DDAH1: variants seen among roughly 807,000 people sequenced by gnomAD.
The protein encoded by DDAH1 is dimethylarginine dimethylaminohydrolase 1, also known as N(G),N(G)-dimethylarginine dimethylaminohydrolase 1.
A neutral mutation model predicts 28.8 loss-of-function variants in DDAH1; 19 were observed. The observed-to-expected ratio is 0.66, with a 90% confidence interval of 0.46 to 0.97. DDAH1 has a LOEUF of 0.97. DDAH1 is among the 50% of genes least tolerant of loss of function. The probability of loss-of-function intolerance (pLI) is 0.00; values close to 1 mark genes in which losing one functional copy is unlikely to be tolerated. For missense variants in DDAH1, 326 were observed against 375.9 expected, an observed-to-expected ratio of 0.87 and a Z score of 1.10; for synonymous variants, 153 against 154.4, an observed-to-expected ratio of 0.99 and a Z score of 0.07.
intron 1 of DDAH1, among the ~76,000 whole-genome samples, chr1:85,363,459 G>A (rs1433700083): frequency 6.6e-6 from 1 of 152,206 alleles, no homozygotes; most frequent in Non-Finnish European, 1.5e-5. Flanking sequence ...CATTACAGGA[G>A]CTTTAAAATT....
intron 1 of DDAH1, among the ~76,000 whole-genome samples, chr1:85,364,671 A>C (rs1338469018): frequency 1.3e-5 from 2 of 152,022 alleles, no homozygotes; most frequent in Admixed American, 6.6e-5. Flanking sequence ...CAGCCTCCCG[A>C]ATAGCTTGGA....
intron 1 of DDAH1, among the ~76,000 whole-genome samples, chr1:85,497,640 T>C (rs1274862148): frequency 6.6e-6 from 1 of 152,212 alleles, no homozygotes; most frequent in Admixed American, 6.5e-5. Flanking sequence ...GAGATACACA[T>C]GATTGCAAAC....
intron 4 of DDAH1, among the ~76,000 whole-genome samples, chr1:85,346,957 A>C (rs892607266): frequency 5.9e-5 from 9 of 152,200 alleles, no homozygotes; most frequent in Admixed American, 5.9e-4. Flanking sequence ...TGGGCAAAGG[A>C]TATGAACAGA....
chr1:85,478,107 C>A (rs990928580), intron 2 of DDAH1, among the ~76,000 whole-genome samples: 5 of 152,018 alleles, frequency 3.3e-5, no homozygotes, highest in South Asian at 2.1e-4. Flanking sequence ...CCTTGGAAAG[C>A]AAATTTTTCT....
intron 1 of DDAH1, among the ~76,000 whole-genome samples, chr1:85,389,139 C>T (rs1433158318): frequency 6.6e-6 from 1 of 151,844 alleles, no homozygotes; most frequent in Non-Finnish European, 1.5e-5. Flanking sequence ...CCCAGGAGTT[C>T]GAGATCAGCC....
intron 4 of DDAH1, among the ~76,000 whole-genome samples, chr1:85,330,805 C>T (rs541941897): frequency 3.9e-5 from 6 of 152,296 alleles, no homozygotes; most frequent in Admixed American, 3.9e-4. Flanking sequence ...TATGGTACGC[C>T]CCCTTCGGGC....
chr1:85,510,885 C>T lies in DDAH1; in HGVS notation c.-122-14604G>A, dbSNP rs546061297. Among the ~76,000 whole-genome samples the T allele has an allele frequency of 2.0e-5, 3 of 152,168 alleles. No homozygotes were observed. The East Asian group carries it at 5.8e-4, about 29-fold the overall frequency. On this transcript the variant is annotated intron_variant, in intron 1 of 6. Transcript: ENST00000426972. Reference sequence around the variant, plus strand: ...GAGACCTAAAAAGAGATTTAGATTCCCACACAACAATAATGGGAGACCTTA... The same window carrying T: ...GAGACCTAAAAAGAGATTTAGATTCTCACACAACAATAATGGGAGACCTTA...
At chr1:85,413,953 T>C (rs2100601072) in intron 1 of DDAH1, among the ~76,000 whole-genome samples, 1 of 152,376 alleles carries the variant, frequency 6.6e-6, no homozygotes, top group Non-Finnish European at 1.5e-5. Flanking sequence ...AGATTTTAGA[T>C]ATTGTTTAAA....
intron 1 of DDAH1, among the ~76,000 whole-genome samples, chr1:85,384,733 A>AT (rs1651165343): frequency 6.6e-6 from 1 of 152,118 alleles, no homozygotes; most frequent in African/African-American, 2.4e-5. Context: ...TCAAATGAAA[A>AT]TTTTTTCTCA....
intron 1 of DDAH1, among the ~76,000 whole-genome samples, chr1:85,400,177 C>CTTTTTTTTCTTTTT (rs1652003635): frequency 1.8e-5 from 1 of 54,940 alleles, no homozygotes; most frequent in African/African-American, 5.4e-5. Flanking sequence ...CTTTTCTTTT[C>CTTTTTTTTCTTTTT]TTTTTTTTTT....
intron 1 of DDAH1, among the ~76,000 whole-genome samples, chr1:85,553,081 A>G (rs1048377645): frequency 2.0e-5 from 3 of 152,160 alleles, no homozygotes; most frequent in East Asian, 1.9e-4. Flanking sequence ...TGCTGGAGAG[A>G]CCACATTATG....
chr1:85,471,730 T>C (rs1356263097), intron 2 of DDAH1, among the ~76,000 whole-genome samples: 2 of 152,170 alleles, frequency 1.3e-5, no homozygotes, highest in Non-Finnish European at 2.9e-5. Flanking sequence ...CCCAAGTCCT[T>C]CAAATGAGAT....
chr1:85,515,768 A>C (rs1418376752), intron 1 of DDAH1, among the ~76,000 whole-genome samples: 1 of 152,174 alleles, frequency 6.6e-6, no homozygotes, highest in African/African-American at 2.4e-5. Context: ...TTAAGGTTAG[A>C]AACTTCTGAA....
chr1:85,489,997 G>A (rs1162890954), intron 2 of DDAH1, among the ~76,000 whole-genome samples: 1 of 152,124 alleles, frequency 6.6e-6, no homozygotes, highest in Non-Finnish European at 1.5e-5. Context: ...TCCCAAATAT[G>A]ATCTCATTTG....
chr1:85,344,049 G>T (rs1277418762), intron 4 of DDAH1, among the ~76,000 whole-genome samples: 2 of 152,156 alleles, frequency 1.3e-5, no homozygotes, highest in African/African-American at 4.8e-5. Flanking sequence ...AAACCTAAAA[G>T]ACATTTCCAT....
chr1:85,321,717 G>A lies in DDAH1; in HGVS notation c.742-149C>T, dbSNP rs962163749. 3.9e-5 allele frequency: 26 copies of A among 663,498 alleles called. No individual in the cohort carries two copies. In the South Asian group the frequency reaches 4.5e-4, roughly 11 times the overall value. The allele number at this position is 663,498 out of a possible 1,614,324, so 41.1% of individuals were successfully genotyped here. A position where few individuals can be genotyped will look rare whatever the true frequency, so the allele number is the denominator to read the frequency against. On this transcript the variant is annotated intron_variant, in intron 5 of 5. Coordinates refer to ENST00000284031, the MANE Select transcript of DDAH1 (RefSeq NM_012137.4). The stretch of plus-strand genomic sequence containing the variant: ...AGTCTCAACCACACACATGCCCACA[G>A]TCATCCCTATAGAGCTGGTGGGAAC...
At chr1:85,575,194 G>A (rs1243551710) in intron 1 of DDAH1, among the ~76,000 whole-genome samples, 4 of 152,156 alleles carry the variant, frequency 2.6e-5, no homozygotes, top group Non-Finnish European at 4.4e-5. Flanking sequence ...TCATGCCACT[G>A]CACTCTAGCC....
At chr1:85,498,019 A>G (rs1192447164) in intron 1 of DDAH1, among the ~76,000 whole-genome samples, 1 of 152,224 alleles carries the variant, frequency 6.6e-6, no homozygotes, top group Non-Finnish European at 1.5e-5. Flanking sequence ...CTTGCCTTCC[A>G]GAAGGAAATA....
chr1:85,476,993 G>A (rs1655826239), intron 2 of DDAH1, among the ~76,000 whole-genome samples: 1 of 152,134 alleles, frequency 6.6e-6, no homozygotes, highest in African/African-American at 2.4e-5. Flanking sequence ...ACTAAGTGCT[G>A]TAAAGGAAAA....
Sources: gnomAD v4.1 joint callset for allele counts (sites outside exome capture counted in the v4.1 genomes callset) on GRCh38, gnomAD v4.1.1 for gene constraint, MANE v1.5 for transcripts, NCBI Gene and HGNC (gene_info 2026-07-23, HGNC 2026-07-21) for gene names.